The following CLN8 variants were observed in gnomAD, a reference collection of about 807,000 sequenced individuals.
CLN8 encodes protein CLN8.
A neutral mutation model predicts 15.7 loss-of-function variants in CLN8; 14 were observed. The ratio of observed to expected loss-of-function variants is 0.89; its 90% confidence interval spans 0.59 to 1.39. CLN8 has a LOEUF of 1.39. CLN8 is among the 40% of genes most tolerant of loss of function. The pLI, the probability that CLN8 is intolerant of heterozygous loss-of-function variation, is 0.00. For missense variants in CLN8, 415 were observed against 364.0 expected (o/e 1.14, Z -1.14); for synonymous variants, 188 against 151.0 (o/e 1.25, Z -1.80).
chr8:1,761,514 G>T (rs1381457095), upstream of CLN8, among the ~76,000 whole-genome samples: 1 of 152,160 alleles, frequency 6.6e-6, no homozygotes, highest in Non-Finnish European at 1.5e-5. Flanking sequence ...TAGTAGAGAC[G>T]GGGTTTTGCC....
In CLN8 at chr8:1,781,999, G is replaced by C. The variant is rs1293636512; in HGVS notation, c.*1432G>C. ...TGTGTGTGAGTGTTTTGATATAAAC[G>C]TGCAATTAAAATTCAAAGTTTATTT... On this transcript the variant is annotated 3_prime_UTR_variant, in exon 3 of 3. Coordinates refer to ENST00000331222, the MANE Select transcript of CLN8 (RefSeq NM_018941.4). 1 of 151,664 alleles carries C rather than the reference G, an allele frequency of 6.6e-6. No individual in the cohort carries two copies. The highest frequency in any genetic ancestry group is 1.5e-5 in the Non-Finnish European group (1 of 67,954). The allele number at this position is 151,664 out of a possible 1,614,324, so 9.4% of individuals were successfully genotyped here. A position where few individuals can be genotyped will look rare whatever the true frequency, so the allele number is the denominator to read the frequency against.
chr8:1,778,108 C>T (rs1801585696), intron 2 of CLN8, among the ~76,000 whole-genome samples: 1 of 152,188 alleles, frequency 6.6e-6, no homozygotes, highest in South Asian at 2.1e-4. Flanking sequence ...TGCCAAAGTC[C>T]AGCATTGTCC....
chr8:1,773,351 C>G (rs1049474302), intron 2 of CLN8, among the ~76,000 whole-genome samples: 1 of 152,164 alleles, frequency 6.6e-6, no homozygotes, highest in Non-Finnish European at 1.5e-5. Context: ...GCAGGCGATA[C>G]TGGAGACATC....
chr8:1,780,059 C>T (rs1801660489), intron 2 of CLN8, 191 bp from the exon 3 acceptor site: 6 of 985,464 alleles, frequency 6.1e-6, no homozygotes, highest in African/African-American at 1.7e-5. Flanking sequence ...GGCCCAGGTG[C>T]GCCCACAGAG....
rs104894064 is a variant in CLN8, at chr8:1,771,124, C to G, written c.70C>G (p.Arg24Gly). The change falls in exon 2 of 3, where the codon CGC (arginine) becomes GGC (glycine). Residue 24 changes from arginine to glycine, a missense_variant. Arg to Gly is a moderately radical substitution (Grantham distance 125). Coordinates refer to ENST00000331222, the MANE Select transcript of CLN8 (RefSeq NM_018941.4). ...FDLDYASWGI[R>G]STLMVAGFVF... The stretch of plus-strand genomic sequence containing the variant: ...CCTGGACTATGCATCCTGGGGGATC[C>G]GCTCCACGCTGATGGTCGCTGGCTT... The G allele has an allele frequency of 4.2e-5, 68 of 1,613,806 alleles. No homozygotes were observed.
At chr8:1,764,477 G>C (rs1256994647) in intron 1 of CLN8, 1 of 152,346 alleles carries the variant, frequency 6.6e-6, no homozygotes, top group Admixed American at 6.5e-5. Context: ...CAGAGCCACA[G>C]AGGTGCCGTC....
intron 1 of CLN8, among the ~76,000 whole-genome samples, chr8:1,757,523 C>G (rs570926272): frequency 1.3e-5 from 2 of 152,314 alleles, no homozygotes; most frequent in Admixed American, 1.3e-4. Context: ...TCACTGCAAC[C>G]TCTGCCTCCC....
upstream of CLN8, among the ~76,000 whole-genome samples, chr8:1,753,506 G>A (rs1335485105): frequency 6.7e-6 from 1 of 148,684 alleles, no homozygotes. Context: ...AGGAGGTGGA[G>A]GTTGCAGTGA....
rs374597781 is a variant in CLN8, at chr8:1,771,069, C to T, written c.15C>T (p.Ser5=). 6.6e-5 allele frequency: 107 copies of T among 1,613,836 alleles called. No individual in the cohort carries two copies. The highest frequency in any genetic ancestry group is 8.3e-5 in the Admixed American group (5 of 59,984). The part of the protein sequence containing the change: MNPA[S]DGGTSESIFD... ...AGCTGTGGACAATGAATCCTGCGAGCGATGGGGGCACATCAGAGAGCATTT... is the reference window on the plus strand; with the variant it reads ...AGCTGTGGACAATGAATCCTGCGAGTGATGGGGGCACATCAGAGAGCATTT... The change falls in exon 2 of 3, where the codon AGC becomes AGT. Residue 5 remains serine, a synonymous_variant. Transcript: ENST00000331222.
intron 2 of CLN8, among the ~76,000 whole-genome samples, chr8:1,777,319 C>T (rs1229650344): frequency 6.6e-6 from 1 of 152,178 alleles, no homozygotes; most frequent in Non-Finnish European, 1.5e-5. Context: ...GCTTGCAGGA[C>T]TGGAAGCTGC....
chr8:1,767,751 C>G (rs1801126821), intron 1 of CLN8, among the ~76,000 whole-genome samples: 1 of 150,738 alleles, frequency 6.6e-6, no homozygotes, highest in Admixed American at 6.6e-5. Flanking sequence ...TTTTGTATCT[C>G]TAATAGAGTC....
chr8:1,764,725 G>A (rs1800977933), intron 1 of CLN8: 1 of 152,700 alleles, frequency 6.5e-6, no homozygotes, highest in Admixed American at 6.5e-5. Context: ...TGGGCTCTGG[G>A]CCCTATAGCC....
Position 1,782,445 on chromosome 8 carries a change from C to G in CLN8, c.*1878C>G, listed in dbSNP as rs920632202. 5 of 152,110 alleles carry G rather than the reference C, an allele frequency of 3.3e-5. No homozygotes were observed. The highest frequency in any genetic ancestry group is 1.2e-4 in the African/African-American group (5 of 41,436). 9.4% of individuals were successfully genotyped at this position (152,110 alleles called of 1,614,324 possible). Reference sequence around the variant, plus strand: ...CGGGCGTGAGCCACTTCACCCGGCCCGGAGCGGTGTATTTTGATTGCTGGT... The same window carrying G: ...CGGGCGTGAGCCACTTCACCCGGCCGGGAGCGGTGTATTTTGATTGCTGGT... On this transcript the variant is annotated 3_prime_UTR_variant, in exon 3 of 3. Coordinates refer to ENST00000331222, the MANE Select transcript of CLN8 (RefSeq NM_018941.4).
At position 1,780,794 on chromosome 8, in the gene CLN8, C is replaced by A; in HGVS notation, c.*227C>A. On this transcript the variant is annotated 3_prime_UTR_variant, in exon 3 of 3. Coordinates refer to ENST00000331222, the MANE Select transcript of CLN8 (RefSeq NM_018941.4). Reference sequence around the variant, plus strand: ...GGCAGGCTCTGTCAGTTTAGCCGCGCCGGACCGTGTCAAGCATCTAGGAGA... The same window carrying A: ...GGCAGGCTCTGTCAGTTTAGCCGCGACGGACCGTGTCAAGCATCTAGGAGA... The A allele has an allele frequency of 1.7e-6, 1 of 592,878 alleles. No homozygotes were observed. Among genetic ancestry groups the A allele is most frequent in the East Asian group, 2.8e-5 (1 of 35,370 alleles). The allele number at this position is 592,878 out of a possible 1,614,324, so 36.7% of individuals were successfully genotyped here.
upstream of CLN8, among the ~76,000 whole-genome samples, chr8:1,755,231 A>AGACTAACAGATGGGTTAGTCT (rs1800640798): frequency 6.6e-6 from 1 of 152,224 alleles, no homozygotes; most frequent in East Asian, 1.9e-4. Context: ...AACCTGACAT[A>AGACTAACAGATGGGTTAGTCT]GACTAACAGA....
At position 1,781,963 on chromosome 8, in the gene CLN8, G is replaced by GTA. The variant is rs1337644326; in HGVS notation, c.*1397_*1398insAT. 6.6e-6 allele frequency: 1 copy of GTA among 151,770 alleles called. No homozygotes were observed. The highest frequency in any genetic ancestry group is 1.5e-5 in the Non-Finnish European group (1 of 67,926). The allele number at this position is 151,770 out of a possible 1,614,324, so 9.4% of individuals were successfully genotyped here. On this transcript the variant is annotated 3_prime_UTR_variant, in exon 3 of 3. Coordinates refer to ENST00000331222, the MANE Select transcript of CLN8 (RefSeq NM_018941.4). ...AACAGACATACAGAATTGTGTGTGT[G>GTA]TGTGTGTGTGTGTGTGTGAGTGTTT...
chr8:1,768,615 G>C (rs2130982429), intron 1 of CLN8, among the ~76,000 whole-genome samples: 1 of 152,274 alleles, frequency 6.6e-6, no homozygotes, highest in South Asian at 2.1e-4. Flanking sequence ...ACCTTTAACA[G>C]TGTTGTTCAC....
rs150466797 is a variant in CLN8, at chr8:1,766,217, C to G, written c.-124+2332C>G. ...GACAAGCTTTTTGTATACATTTTCTCCAAAGAAAATGAAGATCTGCAGCGT... is the reference window on the plus strand; with the variant it reads ...GACAAGCTTTTTGTATACATTTTCTGCAAAGAAAATGAAGATCTGCAGCGT... On this transcript the variant is annotated intron_variant, in intron 1 of 2. Coordinates refer to ENST00000331222, the MANE Select transcript of CLN8 (RefSeq NM_018941.4). 1.8e-3 allele frequency among the ~76,000 whole-genome samples: 274 copies of G among 152,218 alleles called. 1 individual carries two copies. Among genetic ancestry groups the G allele is most frequent in the African/African-American group, 6.0e-3 (251 of 41,526 alleles).
chr8:1,753,593 A>C (rs1391930664), upstream of CLN8, among the ~76,000 whole-genome samples: 1 of 134,138 alleles, frequency 7.5e-6, no homozygotes, highest in Non-Finnish European at 1.6e-5. Context: ...AAAGAAAGAA[A>C]AAGAAAAAAC....
Sources: allele counts gnomAD v4.1 joint callset (sites outside exome capture counted in the v4.1 genomes callset), GRCh38; gene constraint gnomAD v4.1.1; transcripts MANE v1.5; gene names NCBI Gene and HGNC (gene_info 2026-07-23, HGNC 2026-07-21).